The following TNNI3K variants were observed in gnomAD, a reference collection of about 807,000 sequenced individuals.
TNNI3K encodes the protein TNNI3 interacting kinase, also known as serine/threonine-protein kinase TNNI3K.
A neutral mutation model predicts 114.5 loss-of-function variants in TNNI3K; 140 were observed. That is an observed-to-expected ratio of 1.22 (90% CI 1.07 to 1.41). TNNI3K has a LOEUF of 1.41. TNNI3K is among the 40% of genes most tolerant of loss of function. The pLI is 0.00. For missense variants in TNNI3K, 1,125 were observed against 1,007.6 expected (o/e 1.12, Z -1.58); for synonymous variants, 347 against 347.5 (o/e 1.00, Z 0.02).
chr1:74,489,284 A>G (rs755870787), intron 22 of TNNI3K, 36 bp downstream of exon 22: 9 of 1,596,450 alleles, frequency 5.6e-6, no homozygotes, highest in Admixed American at 3.5e-5. Context: ...GTCCATAAAA[A>G]AGCCCTGCAT....
chr1:74,504,622 G>C (rs556258614), intron 23 of TNNI3K, among the ~76,000 whole-genome samples: 1 of 152,124 alleles, frequency 6.6e-6, no homozygotes, highest in East Asian at 1.9e-4. Context: ...CCCTACGTGT[G>C]TAAAATTGAC....
At chr1:74,280,163 A>C (rs1028716243) in intron 5 of TNNI3K, among the ~76,000 whole-genome samples, 5 of 152,134 alleles carry the variant, frequency 3.3e-5, no homozygotes, top group Non-Finnish European at 7.4e-5. Flanking sequence ...TGGGCTGTTC[A>C]CGAGGTCAGG....
intron 17 of TNNI3K, among the ~76,000 whole-genome samples, chr1:74,421,319 A>G (rs1166447854): frequency 1.3e-5 from 2 of 152,156 alleles, no homozygotes; most frequent in African/African-American, 4.8e-5. Context: ...TTTACAGCCA[A>G]GTGGGCGTTC....
At chr1:74,492,043 T>G in intron 22 of TNNI3K, 54 bp from the exon 23 acceptor site, 1 of 1,386,888 alleles carries the variant, frequency 7.2e-7, no homozygotes, top group South Asian at 2.1e-5. Context: ...TTATGTTATG[T>G]CTTCACACCT....
intron 6 of TNNI3K, among the ~76,000 whole-genome samples, chr1:74,335,125 T>A (rs1241027102): frequency 1.3e-5 from 2 of 152,224 alleles, no homozygotes; most frequent in African/African-American, 4.8e-5. Flanking sequence ...TGTCAGTCAT[T>A]GTGCTATGCA....
chr1:74,297,309 T>C (rs1170424576), intron 5 of TNNI3K, among the ~76,000 whole-genome samples: 1 of 152,166 alleles, frequency 6.6e-6, no homozygotes, highest in Non-Finnish European at 1.5e-5. Context: ...CCCCCTGATA[T>C]TCGTATGTTG....
At chr1:74,375,475 G>A (rs2100535273) in intron 17 of TNNI3K, 2 of 433,026 alleles carry the variant, frequency 4.6e-6, no homozygotes, top group East Asian at 7.2e-5. Flanking sequence ...CACATAGCTG[G>A]AGACTGAAAG....
At chr1:74,384,359 G>A (rs1443294521) in intron 17 of TNNI3K, among the ~76,000 whole-genome samples, 1 of 152,120 alleles carries the variant, frequency 6.6e-6, no homozygotes, top group Admixed American at 6.6e-5. Flanking sequence ...TTGTTTGACT[G>A]ATCTGATTTT....
At chr1:74,352,529 T>C (rs555547896) in intron 9 of TNNI3K, among the ~76,000 whole-genome samples, 38 of 152,330 alleles carry the variant, frequency 2.5e-4, no homozygotes, top group African/African-American at 8.9e-4. Context: ...ACAGAGGTTA[T>C]TGCTGTCTTT....
chr1:74,431,575 C>T (rs898723399), intron 17 of TNNI3K, among the ~76,000 whole-genome samples: 3 of 152,008 alleles, frequency 2.0e-5, no homozygotes, highest in Admixed American at 2.0e-4. Flanking sequence ...AACCTCAGCC[C>T]AAGTCCTAAC....
chr1:74,256,300 T>TGGC, intron 4 of TNNI3K, among the ~76,000 whole-genome samples: 1 of 133,082 alleles, frequency 7.5e-6, no homozygotes, highest in East Asian at 2.3e-4. Context: ...TTTTTTTTTT[T>TGGC]TTTTTTTTTT....
At chr1:74,382,187 C>T (rs1410586013) in intron 17 of TNNI3K, among the ~76,000 whole-genome samples, 1 of 152,176 alleles carries the variant, frequency 6.6e-6, no homozygotes, top group African/African-American at 2.4e-5. Flanking sequence ...TCCCAAGAGA[C>T]AATTCTCAAT....
intron 5 of TNNI3K, among the ~76,000 whole-genome samples, chr1:74,307,837 C>T (rs1001741434): frequency 2.6e-5 from 4 of 152,066 alleles, no homozygotes; most frequent in Non-Finnish European, 5.9e-5. Flanking sequence ...GTAGCACATG[C>T]CTGTAATCCC....
intron 23 of TNNI3K, among the ~76,000 whole-genome samples, chr1:74,504,321 C>T (rs925532108): frequency 6.6e-6 from 1 of 152,158 alleles, no homozygotes; most frequent in Admixed American, 6.5e-5. Flanking sequence ...TGCTCTCTAA[C>T]GCCATCTAGC....
At chr1:74,505,407 G>A (rs1485026107) in intron 23 of TNNI3K, among the ~76,000 whole-genome samples, 2 of 152,204 alleles carry the variant, frequency 1.3e-5, no homozygotes, top group East Asian at 1.9e-4. Context: ...CATGGCAACT[G>A]TTGCTATGTT....
At chr1:74,304,022 C>A (rs1199340430) in intron 5 of TNNI3K, among the ~76,000 whole-genome samples, 1 of 152,176 alleles carries the variant, frequency 6.6e-6, no homozygotes, top group Admixed American at 6.5e-5. Context: ...ATGAGGAATT[C>A]TTCTTATGGA....
At chr1:74,442,064 T>A (rs1275843246) in intron 20 of TNNI3K, among the ~76,000 whole-genome samples, 1 of 152,086 alleles carries the variant, frequency 6.6e-6, no homozygotes, top group Non-Finnish European at 1.5e-5. Flanking sequence ...ATTTTTTTTA[T>A]AGAAGTCTTA....
chr1:74,263,575 G>A (rs1268742876), intron 4 of TNNI3K, among the ~76,000 whole-genome samples: 1 of 151,984 alleles, frequency 6.6e-6, no homozygotes, highest in East Asian at 1.9e-4. Context: ...TAGGAAATTA[G>A]GAAATTGTCA....
chr1:74,286,022 A>C (rs540180781), intron 5 of TNNI3K, among the ~76,000 whole-genome samples: 1 of 152,238 alleles, frequency 6.6e-6, no homozygotes. Flanking sequence ...TACCTTCACA[A>C]GAGCTAAGAA....
Sources: allele counts gnomAD v4.1 joint callset (sites outside exome capture counted in the v4.1 genomes callset), GRCh38; gene constraint gnomAD v4.1.1; transcripts MANE v1.5; gene names NCBI Gene and HGNC (gene_info 2026-07-23, HGNC 2026-07-21).